The following PCDH11X variants were observed in gnomAD, a reference collection of about 807,000 sequenced individuals.
PCDH11X encodes protocadherin 11 X-linked.
In PCDH11X, 18 loss-of-function variants were observed where a neutral mutation model predicts 53.3. The observed-to-expected ratio is 0.34, with a 90% CI of 0.23 to 0.50. PCDH11X has a LOEUF of 0.50. Ranked by LOEUF, PCDH11X falls within the 20% of genes least tolerant of loss-of-function variation. PCDH11X has a pLI of 0.98. For missense variants in PCDH11X, 570 were observed against 1,032.4 expected (o/e 0.55, Z 6.14); for synonymous variants, 279 against 393.3 (o/e 0.71, Z 3.44).
intron 6 of PCDH11X, among the ~76,000 whole-genome samples, chrX:91,939,716 A>G (rs1315848715): frequency 9.0e-6 from 1 of 110,782 alleles, no homozygotes; most frequent in Non-Finnish European, 1.9e-5. Flanking sequence ...CTGAAAGAAA[A>G]AAAAAGTCTA....
chrX:91,993,293 T>G (rs2062357128), intron 6 of PCDH11X, among the ~76,000 whole-genome samples: 2 of 112,929 alleles, frequency 1.8e-5, no homozygotes, highest in Middle Eastern at 4.6e-3. Flanking sequence ...ATTAATTAGT[T>G]TCCCAATGTG....
intron 6 of PCDH11X, among the ~76,000 whole-genome samples, chrX:92,037,114 C>T (rs1195265191): frequency 9.0e-6 from 1 of 111,387 alleles, no homozygotes; most frequent in Non-Finnish European, 1.9e-5. Context: ...CATAGGTATA[C>T]GTGTGCCACG....
At chrX:92,116,655 C>T (rs1478770159) in intron 6 of PCDH11X, among the ~76,000 whole-genome samples, 5 of 111,388 alleles carry the variant, frequency 4.5e-5, no homozygotes, top group East Asian at 2.8e-4. Context: ...GGCACAATCA[C>T]AGCTCATCGT....
chrX:91,855,151 C>A (rs1179700157), intron 5 of PCDH11X, among the ~76,000 whole-genome samples: 1 of 111,830 alleles, frequency 8.9e-6, no homozygotes, highest in Admixed American at 9.5e-5. Context: ...TAAGTATTTA[C>A]TCCAATTTGA....
At chrX:92,311,242 T>G (rs1486845159) in intron 8 of PCDH11X, among the ~76,000 whole-genome samples, 2 of 109,862 alleles carry the variant, frequency 1.8e-5, no homozygotes, top group Non-Finnish European at 3.8e-5. Flanking sequence ...TGCTTTCAAG[T>G]CAGTTTTATT....
chrX:91,821,281 G>A (rs1306054058), intron 4 of PCDH11X, among the ~76,000 whole-genome samples: 4 of 109,547 alleles, frequency 3.7e-5, no homozygotes, highest in East Asian at 2.9e-4. Flanking sequence ...CCATTTTCAC[G>A]ATATTGATTC....
chrX:92,403,318 C>CACTGGGATAT (rs752416293), intron 9 of PCDH11X, among the ~76,000 whole-genome samples: 1 of 88,420 alleles, frequency 1.1e-5, no homozygotes, highest in African/African-American at 4.7e-5. Flanking sequence ...GATATGTGTC[C>CACTGGGATAT]GGGCATTTAC....
intron 8 of PCDH11X, among the ~76,000 whole-genome samples, chrX:92,290,641 A>G (rs939581101): frequency 9.0e-6 from 1 of 111,216 alleles, no homozygotes; most frequent in Non-Finnish European, 1.9e-5. Flanking sequence ...TGCAATGAAT[A>G]AACAGTGGCA....
intron 10 of PCDH11X, among the ~76,000 whole-genome samples, chrX:92,485,351 CAT>C (rs201546339): frequency 0.013 from 1,397 of 110,975 alleles, 23 homozygotes; most frequent in African/African-American, 0.043. Flanking sequence ...AAAATGTTCA[CAT>C]GTTTTTATAC....
At chrX:92,282,291 A>G (rs891135336) in intron 8 of PCDH11X, among the ~76,000 whole-genome samples, 1 of 111,733 alleles carries the variant, frequency 8.9e-6, no homozygotes, top group Non-Finnish European at 1.9e-5. Context: ...TCATCTTAAA[A>G]TTTTTTTCCT....
intron 6 of PCDH11X, among the ~76,000 whole-genome samples, chrX:92,117,797 G>A (rs1250269076): frequency 9.0e-6 from 1 of 111,578 alleles, no homozygotes; most frequent in Non-Finnish European, 1.9e-5. Context: ...ACATCAAAGT[G>A]AGAACAAGCT....
intron 7 of PCDH11X, among the ~76,000 whole-genome samples, chrX:92,218,362 G>A (rs1209680084): frequency 9.0e-6 from 1 of 110,707 alleles, no homozygotes; most frequent in South Asian, 3.9e-4. Flanking sequence ...TGATAAAGGG[G>A]ATATCACCAC....
chrX:92,026,355 C>T, intron 6 of PCDH11X, among the ~76,000 whole-genome samples: 1 of 107,893 alleles, frequency 9.3e-6, no homozygotes. Context: ...AGGATGACTA[C>T]TTGCAATAGA....
chrX:91,867,838 TA>T (rs760056816), intron 5 of PCDH11X, among the ~76,000 whole-genome samples: 1 of 111,709 alleles, frequency 9.0e-6, no homozygotes, highest in Admixed American at 9.5e-5. Flanking sequence ...TCCAGATTTA[TA>T]AAAAAAGACA....
intron 4 of PCDH11X, among the ~76,000 whole-genome samples, chrX:91,822,351 A>T (rs1283507623): frequency 2.0e-4 from 21 of 105,547 alleles, no homozygotes; most frequent in African/African-American, 6.7e-4. Context: ...ACAATTTCAG[A>T]TCCTGTTATT....
intron 6 of PCDH11X, among the ~76,000 whole-genome samples, chrX:92,166,738 A>T (rs1251465875): frequency 9.1e-6 from 1 of 109,316 alleles, no homozygotes; most frequent in Admixed American, 9.9e-5. Flanking sequence ...TTTCTACAAA[A>T]ATTTTAAAAA....
intron 9 of PCDH11X, among the ~76,000 whole-genome samples, chrX:92,395,954 TA>T (rs761571829): frequency 2.8e-4 from 31 of 109,148 alleles, no homozygotes; most frequent in Admixed American, 2.5e-3. Context: ...TTTTTTTTTT[TA>T]AAAAAGGTTC....
At chrX:92,352,787 G>A (rs921284078) in intron 8 of PCDH11X, among the ~76,000 whole-genome samples, 2 of 111,692 alleles carry the variant, frequency 1.8e-5, no homozygotes, top group African/African-American at 6.5e-5. Context: ...GGACTAGGTT[G>A]TCTGCACAGA....
At chrX:92,195,713 C>T (rs1369877787) in intron 6 of PCDH11X, among the ~76,000 whole-genome samples, 2 of 111,426 alleles carry the variant, frequency 1.8e-5, no homozygotes, top group African/African-American at 6.5e-5. Flanking sequence ...CTAAACATTC[C>T]ATCCATAGCT....
Sources: gnomAD v4.1 joint callset for allele counts (sites outside exome capture counted in the v4.1 genomes callset) on GRCh38, gnomAD v4.1.1 for gene constraint, MANE v1.5 for transcripts, NCBI Gene and HGNC (gene_info 2026-07-23, HGNC 2026-07-21) for gene names.